GRIA1: variants seen among roughly 807,000 people sequenced by gnomAD.
The protein encoded by GRIA1 is glutamate receptor 1.
GRIA1 carries 31 observed loss-of-function variants against 99.2 expected under a neutral mutation model. The observed-to-expected ratio is 0.31, with a 90% CI of 0.23 to 0.42. GRIA1 has a LOEUF of 0.42. Among genes scored for constraint, GRIA1 ranks in the 10% least tolerant of loss-of-function variants. GRIA1 has a pLI of 1.00. For missense variants in GRIA1, 782 were observed against 1,157.5 expected (o/e 0.68, Z 4.71); for synonymous variants, 438 against 432.4 (o/e 1.01, Z -0.16).
chr5:153,648,052 G>A (rs777931473), intron 3 of GRIA1, among the ~76,000 whole-genome samples: 16 of 152,146 alleles, frequency 1.1e-4, no homozygotes, highest in South Asian at 2.1e-4. Flanking sequence ...AATGGGTCAC[G>A]CAAGACCTGA....
At position 153,647,186 on chromosome 5, in the gene GRIA1, G is replaced by A; in HGVS notation, c.460+19G>A. ...GACCGGGGTAAGCCAAGGGTTAGGG[G>A]AGGGAGACTTTTGAGGGATGGAGAG... On this transcript the variant is annotated intron_variant, in intron 3 of 15. Transcript: ENST00000285900. 1.2e-6 allele frequency: 2 copies of A among 1,610,026 alleles called. No homozygotes were observed. Among genetic ancestry groups the A allele is most frequent in the South Asian group, 1.1e-5 (1 of 90,828 alleles).
intron 2 of GRIA1, among the ~76,000 whole-genome samples, chr5:153,551,846 G>C (rs1760172658): frequency 6.6e-6 from 1 of 152,176 alleles, no homozygotes; most frequent in Non-Finnish European, 1.5e-5. Flanking sequence ...TATGCCAAGA[G>C]TGTTTCCTTT....
intron 15 of GRIA1, among the ~76,000 whole-genome samples, chr5:153,804,759 T>G (rs1342364025): frequency 1.6e-5 from 2 of 123,554 alleles, no homozygotes; most frequent in Non-Finnish European, 3.4e-5. Context: ...ATTTATTTAT[T>G]TATTTATTTT....
chr5:153,726,807 A>G lies in GRIA1; in HGVS notation c.1823+20740A>G, dbSNP rs375945152. Among the ~76,000 whole-genome samples the G allele has an allele frequency of 4.6e-4, 70 of 152,360 alleles. No individual in the cohort carries two copies. In the South Asian group the frequency reaches 0.014, roughly 30 times the overall value. ...TTCACAGCCGAATTCTACCAGAGGT[A>G]CAAGGAGGAATTGGTACCATTCCTT... On this transcript the variant is annotated intron_variant, in intron 11 of 15. Transcript: ENST00000285900.
intron 2 of GRIA1, among the ~76,000 whole-genome samples, chr5:153,547,687 T>C (rs1192884383): frequency 1.3e-5 from 2 of 152,242 alleles, no homozygotes; most frequent in African/African-American, 4.8e-5. Flanking sequence ...TAGTTACTTG[T>C]AACACAGTTT....
chr5:153,511,635 G>A (rs1476091539), intron 2 of GRIA1, among the ~76,000 whole-genome samples: 1 of 152,154 alleles, frequency 6.6e-6, no homozygotes, highest in East Asian at 1.9e-4. Flanking sequence ...GTTTAATCCT[G>A]TTTTACATAT....
At chr5:153,491,835 C>T (rs1753945741) in intron 1 of GRIA1, among the ~76,000 whole-genome samples, 2 of 152,138 alleles carry the variant, frequency 1.3e-5, no homozygotes, top group South Asian at 4.1e-4. Flanking sequence ...ATTTCCCCTT[C>T]TTAGTTGTTA....
At chr5:153,534,808 G>A (rs1758412948) in intron 2 of GRIA1, among the ~76,000 whole-genome samples, 1 of 152,142 alleles carries the variant, frequency 6.6e-6, no homozygotes, top group South Asian at 2.1e-4. Context: ...ATAAATGTCT[G>A]GCCCCTGTGG....
At chr5:153,782,016 A>G (rs1214812251) in intron 13 of GRIA1, among the ~76,000 whole-genome samples, 2 of 152,180 alleles carry the variant, frequency 1.3e-5, no homozygotes, top group African/African-American at 2.4e-5. Flanking sequence ...AGTCATGAGT[A>G]CAGACAATAT....
intron 2 of GRIA1, 42 bp downstream of exon 2, chr5:153,494,107 G>A: frequency 6.3e-7 from 1 of 1,598,552 alleles, no homozygotes; most frequent in South Asian, 1.1e-5. Context: ...TTCTGCGCTA[G>A]ACCAATGAAA....
intron 2 of GRIA1, among the ~76,000 whole-genome samples, chr5:153,641,953 A>G (rs1753804000): frequency 6.6e-6 from 1 of 152,200 alleles, no homozygotes; most frequent in Non-Finnish European, 1.5e-5. Context: ...TCCATTGCCT[A>G]ACATAGTGTC....
At position 153,492,296 on chromosome 5, in the gene GRIA1, T is replaced by C. The variant is rs759519627; in HGVS notation, c.82+1326T>C. On this transcript the variant is annotated intron_variant, in intron 1 of 15. Coordinates refer to ENST00000285900, the MANE Select transcript of GRIA1 (RefSeq NM_000827.4). ...CTTTGTTTCCTGACACCTGTTAAGC[T>C]ACATCCTGAAGTGTGTACGTATCTG... The C allele has an allele frequency of 1.3e-5, 20 of 1,535,238 alleles. 1 individual carries two copies. In the South Asian group the frequency reaches 2.4e-4, roughly 18 times the overall value.
At chr5:153,510,595 C>T (rs1318065585) in intron 2 of GRIA1, among the ~76,000 whole-genome samples, 1 of 152,032 alleles carries the variant, frequency 6.6e-6, no homozygotes, top group Non-Finnish European at 1.5e-5. Flanking sequence ...CGGAGCTCTG[C>T]AAGATACATT....
chr5:153,675,360 A>T (rs1756497836), intron 6 of GRIA1, among the ~76,000 whole-genome samples: 1 of 152,354 alleles, frequency 6.6e-6, no homozygotes, highest in East Asian at 1.9e-4. Flanking sequence ...TCTACCTGGG[A>T]GAGTCCACTC....
intron 14 of GRIA1, among the ~76,000 whole-genome samples, chr5:153,799,065 G>T (rs1447741298): frequency 7.4e-6 from 1 of 135,940 alleles, no homozygotes; most frequent in Admixed American, 7.0e-5. Flanking sequence ...GGCGGGAGGT[G>T]AATTGTGACT....
chr5:153,748,405 C>G (rs956100899), intron 11 of GRIA1, among the ~76,000 whole-genome samples: 1 of 152,072 alleles, frequency 6.6e-6, no homozygotes, highest in Admixed American at 6.6e-5. Flanking sequence ...ATCAAAGTGG[C>G]TGGAACATAG....
intron 2 of GRIA1, among the ~76,000 whole-genome samples, chr5:153,559,365 A>T (rs1760925550): frequency 1.3e-5 from 2 of 152,136 alleles, no homozygotes; most frequent in Non-Finnish European, 1.5e-5. Flanking sequence ...GGCACATGAC[A>T]ATAGGAGCAC....
At chr5:153,780,487 T>TA (rs1764562540) in intron 13 of GRIA1, among the ~76,000 whole-genome samples, 3 of 152,230 alleles carry the variant, frequency 2.0e-5, no homozygotes, top group African/African-American at 7.2e-5. Context: ...TCACCAAATG[T>TA]AAAAAACTGG....
At chr5:153,711,633 C>G (rs1391755659) in intron 11 of GRIA1, among the ~76,000 whole-genome samples, 1 of 152,146 alleles carries the variant, frequency 6.6e-6, no homozygotes. Flanking sequence ...CCAGGCGATA[C>G]CTATGGCTGA....
Sources: gnomAD v4.1 joint callset for allele counts (sites outside exome capture counted in the v4.1 genomes callset) on GRCh38, gnomAD v4.1.1 for gene constraint, MANE v1.5 for transcripts, NCBI Gene and HGNC (gene_info 2026-07-23, HGNC 2026-07-21) for gene names.